Variants in TJP3 observed in about 807,000 individuals in gnomAD.
TJP3 encodes the protein tight junction protein ZO-3.
In TJP3, 85 loss-of-function variants were observed where a neutral mutation model predicts 104.2. The ratio of observed to expected loss-of-function variants is 0.82; its 90% CI spans 0.68 to 0.98. The LOEUF is 0.98. Among genes scored for constraint, TJP3 ranks in the 50% least tolerant of loss-of-function variants. The pLI, the probability that TJP3 is intolerant of heterozygous loss-of-function variation, is 0.00. For synonymous variants in TJP3, 550 were observed against 550.6 expected (o/e 1.00, Z 0.02); for missense variants, 1,367 against 1,322.8 (o/e 1.03, Z -0.52).
intron 14 of TJP3, 69 bp from the exon 15 acceptor site, chr19:3,743,868 TTG>T: frequency 7.0e-7 from 1 of 1,426,538 alleles, no homozygotes; most frequent in Middle Eastern, 1.8e-4. Flanking sequence ...GTGGAGGGGT[TTG>T]TACAACACAC....
Position 3,743,967 on chromosome 19 carries a change from G to C in TJP3, c.1872G>C (p.Leu624=). The change falls in exon 15 of 21, where the codon CTG becomes CTC. Residue 624 remains leucine, a synonymous_variant. Coordinates refer to ENST00000541714, the MANE Select transcript of TJP3 (RefSeq NM_001267560.2). ...GTTTCAAGCGCCCGGTAGTGATCCTGGGACCCGTGGCCGACATTGCTATGC... is the reference window on the plus strand; with the variant it reads ...GTTTCAAGCGCCCGGTAGTGATCCTCGGACCCGTGGCCGACATTGCTATGC... ...EASFKRPVVI[L]GPVADIAMQK... The C allele has an allele frequency of 6.2e-7, 1 of 1,614,186 alleles. No individual in the cohort carries two copies. The highest frequency in any genetic ancestry group is 1.6e-4 in the Middle Eastern group (1 of 6,062).
At chr19:3,729,625 T>A (rs1161418998) in intron 3 of TJP3, among the ~76,000 whole-genome samples, 1 of 151,596 alleles carries the variant, frequency 6.6e-6, no homozygotes, top group Non-Finnish European at 1.5e-5. Flanking sequence ...TACTAACAAA[T>A]ACAAAAATTA....
chr19:3,715,418 T>C (rs770087505), intron 1 of TJP3, among the ~76,000 whole-genome samples: 25 of 152,096 alleles, frequency 1.6e-4, no homozygotes, highest in Non-Finnish European at 2.8e-4. Flanking sequence ...ATTAAGGTGA[T>C]CCGAAGGTCA....
At chr19:3,716,034 C>T (rs190492968) in intron 1 of TJP3, among the ~76,000 whole-genome samples, 2,821 of 151,440 alleles carry the variant, frequency 0.019, 53 homozygotes, top group Non-Finnish European at 0.028. Flanking sequence ...CCACCTCAGC[C>T]TCCCGAAGTG....
rs551006143 is a variant in TJP3, at chr19:3,747,205, C to T, written c.2322+329C>T. On this transcript the variant is annotated intron_variant, in intron 18 of 20. Coordinates refer to ENST00000541714, the MANE Select transcript of TJP3 (RefSeq NM_001267560.2). ...CCTCCCGAGTAGCTGGGACTACAGG[C>T]GAGCGCTACCAGGCCCAGCTAATTT... is the stretch of plus-strand genomic sequence containing the variant. Among the ~76,000 whole-genome samples the T allele has an allele frequency of 3.3e-5, 5 of 151,982 alleles. No individual in the cohort carries two copies. The South Asian group carries it at 8.3e-4, about 25-fold the overall frequency.
At chr19:3,722,776 G>C (rs971244487) in intron 1 of TJP3, among the ~76,000 whole-genome samples, 1 of 146,878 alleles carries the variant, frequency 6.8e-6, no homozygotes, top group African/African-American at 2.5e-5. Context: ...TCCAGGCACA[G>C]CTCTCAGAAT....
At chr19:3,731,612 G>A (rs767929691) in intron 5 of TJP3, among the ~76,000 whole-genome samples, 3 of 152,218 alleles carry the variant, frequency 2.0e-5, no homozygotes, top group South Asian at 4.2e-4. Context: ...CAGCCCCGGC[G>A]ATAGGAGTGA....
In TJP3 at chr19:3,736,285, C is replaced by T. The variant is rs746804222; in HGVS notation, c.1248C>T (p.Asp416=). 5.1e-5 allele frequency: 79 copies of T among 1,539,270 alleles called. No homozygotes were observed. Among genetic ancestry groups the T allele is most frequent in the South Asian group, 1.5e-4 (12 of 78,718 alleles). ...VSGVQAGSPA[D]GQGIQEGDQI... ...GGGTGCAGGCGGGCAGCCCGGCCGA[C>T]GGGCAGGGCATCCAGGAGGGAGATC... Residue 416 remains aspartate, a synonymous_variant, in exon 11 of 21, where the codon GAC becomes GAT. Coordinates refer to ENST00000541714, the MANE Select transcript of TJP3 (RefSeq NM_001267560.2).
At chr19:3,728,291 G>C in intron 1 of TJP3, 133 bp from the exon 2 acceptor site, 1 of 1,381,582 alleles carries the variant, frequency 7.2e-7, no homozygotes, top group South Asian at 1.3e-5. Flanking sequence ...GGCCCTGAGA[G>C]AGGTAGTAAC....
chr19:3,715,310 C>A (rs759654385), intron 1 of TJP3, among the ~76,000 whole-genome samples: 2 of 152,040 alleles, frequency 1.3e-5, no homozygotes, highest in African/African-American at 4.8e-5. Context: ...AGGATGGTCT[C>A]GATCTCCTGA....
intron 1 of TJP3, among the ~76,000 whole-genome samples, chr19:3,718,240 T>TGTGTGTGA (rs2036507011): frequency 8.7e-6 from 1 of 115,382 alleles, no homozygotes; most frequent in African/African-American, 3.8e-5. Context: ...TGTGTGTGTG[T>TGTGTGTGA]GTGTGTGTGT....
At chr19:3,744,672 A>C (rs1044695299) in intron 15 of TJP3, among the ~76,000 whole-genome samples, 5 of 150,922 alleles carry the variant, frequency 3.3e-5, no homozygotes, top group South Asian at 2.1e-4. Flanking sequence ...AAAAAAAAAA[A>C]AACAAAAACA....
intron 1 of TJP3, among the ~76,000 whole-genome samples, chr19:3,719,985 A>G (rs2036527452): frequency 6.6e-6 from 1 of 152,042 alleles, no homozygotes. Flanking sequence ...GCCTCAAGTG[A>G]TCCTCCCACC....
intron 1 of TJP3, among the ~76,000 whole-genome samples, chr19:3,722,080 ATGCGTCCG>A: frequency 7.2e-6 from 1 of 139,394 alleles, no homozygotes; most frequent in East Asian, 2.6e-4. Flanking sequence ...GCACTTCGAG[ATGCGTCCG>A]CGCGTCCGCG....
At chr19:3,748,151 A>G in intron 19 of TJP3, 70 bp downstream of exon 19, 1 of 1,449,698 alleles carries the variant, frequency 6.9e-7, no homozygotes, top group South Asian at 1.5e-5. Flanking sequence ...GCAGACACAC[A>G]CTGGGAGCCT....
chr19:3,731,678 T>C (rs2036673233), intron 5 of TJP3, among the ~76,000 whole-genome samples: 1 of 152,050 alleles, frequency 6.6e-6, no homozygotes, highest in South Asian at 2.1e-4. Context: ...ACAATGATGA[T>C]GTTATGAGCA....
At chr19:3,743,851 TAAGG>T in intron 14 of TJP3, 84 bp from the exon 15 acceptor site, 1 of 1,204,890 alleles carries the variant, frequency 8.3e-7, no homozygotes, top group Admixed American at 1.8e-5. Context: ...CTGTTTACTA[TAAGG>T]AAGTGGAGGG....
At chr19:3,716,801 A>ATATATATATATAT (rs1421328174) in intron 1 of TJP3, among the ~76,000 whole-genome samples, 8 of 81,972 alleles carry the variant, frequency 9.8e-5, no homozygotes, top group African/African-American at 3.9e-4. Flanking sequence ...ATATATATAT[A>ATATATATATATAT]TTTTTTTTTT....
In TJP3 at chr19:3,747,973, T is replaced by C; in HGVS notation, c.2502T>C (p.Asp834=). The change falls in exon 19 of 21, where the codon GAT becomes GAC. Residue 834 remains aspartate, a synonymous_variant. Transcript: ENST00000541714. ...AGGGGGGGCCCTACACGGATGTGGATGATGAGCCCCCGGCTCCAGCCCTGG... is the reference window on the plus strand; with the variant it reads ...AGGGGGGGCCCTACACGGATGTGGACGATGAGCCCCCGGCTCCAGCCCTGG... The part of the protein sequence containing the change: ...DGEGGPYTDV[D]DEPPAPALAR... The C allele has an allele frequency of 6.2e-7, 1 of 1,612,740 alleles. No homozygotes were observed. The highest frequency in any genetic ancestry group is 1.1e-5 in the South Asian group (1 of 91,054).
Sources: allele counts gnomAD v4.1 joint callset (sites outside exome capture counted in the v4.1 genomes callset), GRCh38; gene constraint gnomAD v4.1.1; transcripts MANE v1.5; gene names NCBI Gene and HGNC (gene_info 2026-07-23, HGNC 2026-07-21).